The following HNF1B variants were observed in gnomAD, a reference collection of about 807,000 sequenced individuals.
HNF1B encodes hepatocyte nuclear factor 1-beta.
Under a neutral mutation model 61.7 loss-of-function variants are expected in HNF1B, and 8 were observed. The ratio of observed to expected loss-of-function variants is 0.13; its 90% CI spans 0.08 to 0.23. The LOEUF (loss-of-function observed/expected upper bound fraction) is 0.23, where lower values mean the gene tolerates loss of function less well. HNF1B is among the 10% of genes least tolerant of loss of function. The pLI, the probability that HNF1B is intolerant of heterozygous loss-of-function variation, is 1.00. For synonymous variants in HNF1B, 314 were observed against 287.7 expected (o/e 1.09, Z -0.93); for missense variants, 562 against 714.5 (o/e 0.79, Z 2.43).
At chr17:37,739,086 A>G (rs2033915417) in intron 2 of HNF1B, among the ~76,000 whole-genome samples, 1 of 152,234 alleles carries the variant, frequency 6.6e-6, no homozygotes, top group Non-Finnish European at 1.5e-5. Context: ...ACTGATGGTC[A>G]CGTATCAAGG....
chr17:37,744,465 G>T, intron 1 of HNF1B, 76 bp downstream of exon 1: 1 of 1,462,512 alleles, frequency 6.8e-7, no homozygotes, highest in African/African-American at 1.4e-5. Flanking sequence ...AGTGTGGTCG[G>T]GCGCAGTGTC....
intron 2 of HNF1B, among the ~76,000 whole-genome samples, chr17:37,737,812 G>A (rs1265219857): frequency 6.6e-6 from 1 of 152,150 alleles, no homozygotes; most frequent in African/African-American, 2.4e-5. Context: ...TCCAGTCTGG[G>A]TGGCAGAGCG....
intron 3 of HNF1B, among the ~76,000 whole-genome samples, chr17:37,732,409 T>TA (rs2033714866): frequency 6.6e-6 from 1 of 152,206 alleles, no homozygotes; most frequent in Admixed American, 6.5e-5. Flanking sequence ...GAGAGATTCT[T>TA]AGACACTACT....
chr17:37,695,530 G>C (rs1044601437), intron 8 of HNF1B, among the ~76,000 whole-genome samples: 8 of 152,198 alleles, frequency 5.3e-5, no homozygotes, highest in Non-Finnish European at 2.9e-5. Context: ...TGTGGGAATG[G>C]GCCTGCCACC....
intron 5 of HNF1B, 87 bp downstream of exon 5, chr17:37,710,416 T>G: frequency 6.6e-7 from 1 of 1,522,630 alleles, no homozygotes; most frequent in Non-Finnish European, 9.1e-7. Context: ...AATGGTTCAT[T>G]GTTTGAGGCA....
At chr17:37,713,204 C>G (rs902691684) in intron 4 of HNF1B, among the ~76,000 whole-genome samples, 1 of 152,140 alleles carries the variant, frequency 6.6e-6, no homozygotes, top group Non-Finnish European at 1.5e-5. Flanking sequence ...TTTCACCTCC[C>G]AGCCTGTCCC....
chr17:37,691,209 G>A (rs1022644281), intron 8 of HNF1B, among the ~76,000 whole-genome samples: 1 of 152,196 alleles, frequency 6.6e-6, no homozygotes, highest in Non-Finnish European at 1.5e-5. Context: ...GAGGATAAAG[G>A]CCAGTCTGCA....
At chr17:37,711,920 A>G (rs1025532941) in intron 4 of HNF1B, among the ~76,000 whole-genome samples, 1 of 152,198 alleles carries the variant, frequency 6.6e-6, no homozygotes, top group East Asian at 1.9e-4. Context: ...GGAGACCACA[A>G]AGTTCCCCCA....
intron 6 of HNF1B, among the ~76,000 whole-genome samples, chr17:37,702,505 C>A (rs888873880): frequency 6.6e-6 from 1 of 152,160 alleles, no homozygotes; most frequent in Non-Finnish European, 1.5e-5. Context: ...AGCATCTCAC[C>A]AGATACCCTG....
In HNF1B at chr17:37,713,054, C is replaced by T. The variant is rs2032988590; in HGVS notation, c.1046-2391G>A. On this transcript the variant is annotated intron_variant, in intron 4 of 8. Coordinates refer to ENST00000617811, the MANE Select transcript of HNF1B (RefSeq NM_000458.4). ...ACCTGGGAGAGAGGTCTAGCCGCTG[C>T]CCTCTTGCTCTGTTCTTTTGGAGGA... Among the ~76,000 whole-genome samples, 4 of 152,232 alleles carry T rather than the reference C, an allele frequency of 2.6e-5. No homozygotes were observed. The South Asian group carries it at 8.3e-4, about 32-fold the overall frequency.
At chr17:37,737,207 C>T (rs1447989628) in intron 2 of HNF1B, among the ~76,000 whole-genome samples, 2 of 152,140 alleles carry the variant, frequency 1.3e-5, no homozygotes, top group South Asian at 2.1e-4. Context: ...CTTCCTAATT[C>T]TTATATCATG....
intron 4 of HNF1B, among the ~76,000 whole-genome samples, chr17:37,716,615 C>T (rs758598174): frequency 1.8e-4 from 28 of 152,180 alleles, no homozygotes; most frequent in East Asian, 1.9e-4. Context: ...GACCCTACTG[C>T]GCCTGTGTGT....
chr17:37,713,458 A>T (rs2033002414), intron 4 of HNF1B, among the ~76,000 whole-genome samples: 1 of 152,254 alleles, frequency 6.6e-6, no homozygotes, highest in Non-Finnish European at 1.5e-5. Context: ...TCCAGGCAGC[A>T]TATTCCAAGG....
At chr17:37,721,007 G>A (rs2033295334) in intron 4 of HNF1B, 1 of 932,812 alleles carries the variant, frequency 1.1e-6, no homozygotes, top group Non-Finnish European at 1.3e-6. Flanking sequence ...AATAGGAGAT[G>A]TTGTTTAAGG....
chr17:37,694,234 C>G (rs4795212), intron 8 of HNF1B, among the ~76,000 whole-genome samples: 21,628 of 152,026 alleles, frequency 0.14, 1,612 homozygotes, highest in Middle Eastern at 0.21. Context: ...TCGAGACCAG[C>G]CTGGCCAACA....
chr17:37,741,389 G>T (rs1181770040), intron 1 of HNF1B, among the ~76,000 whole-genome samples: 1 of 152,072 alleles, frequency 6.6e-6, no homozygotes, highest in Non-Finnish European at 1.5e-5. Context: ...TTATATATAA[G>T]AACGAATTTC....
intron 4 of HNF1B, among the ~76,000 whole-genome samples, chr17:37,727,398 C>T (rs1027173408): frequency 1.3e-5 from 2 of 152,126 alleles, no homozygotes; most frequent in Non-Finnish European, 2.9e-5. Context: ...TAACTTCAGG[C>T]CCCCAAGAAG....
rs1480809337 is a variant in HNF1B at position 37,744,656 on chromosome 17, C to G, written c.229G>C (p.Asp77His). ...NGHAKGRLSGDEGSEDGDDYD... is the reference protein window; with the variant it reads ...NGHAKGRLSGHEGSEDGDDYD... ...TCGTCGCCGTCCTCGGAGCCCTCGT[C>G]GCCGGACAAGCGGCCCTTGGCGTGG... The change falls in exon 1 of 9, where the codon GAC becomes CAC. Residue 77 changes from aspartate (D) to histidine (H), a missense_variant. Physicochemically the swap from Asp to His is moderately conservative, Grantham distance 81. Around this residue, in one of 6 missense-constraint regions of HNF1B, gnomAD observed 148 missense variants for 147.3 expected, o/e 1.00. Coordinates refer to ENST00000617811, the MANE Select transcript of HNF1B (RefSeq NM_000458.4). The G allele has an allele frequency of 6.2e-7, 1 of 1,613,126 alleles. No homozygotes were observed. The highest frequency in any genetic ancestry group is 8.5e-7 in the Non-Finnish European group (1 of 1,180,034).
chr17:37,715,355 G>A (rs960198457), intron 4 of HNF1B, among the ~76,000 whole-genome samples: 7 of 152,188 alleles, frequency 4.6e-5, no homozygotes, highest in Non-Finnish European at 1.0e-4. Context: ...CCATGCCCCA[G>A]ACAAGGAGCA....
Sources: gnomAD v4.1 joint callset for allele counts (sites outside exome capture counted in the v4.1 genomes callset) on GRCh38, gnomAD v4.1.1 for gene constraint, gnomAD v4.1.1 regional missense constraint, MANE v1.5 for transcripts, NCBI Gene and HGNC (gene_info 2026-07-23, HGNC 2026-07-21) for gene names.